DCLK1: variants seen among roughly 807,000 people sequenced by gnomAD.
DCLK1 encodes the protein doublecortin like kinase 1, also known as serine/threonine-protein kinase DCLK1.
Under a neutral mutation model 86.2 loss-of-function variants are expected in DCLK1, and 16 were observed. That is an observed-to-expected ratio of 0.19 (90% CI 0.13 to 0.28). The LOEUF is 0.28. DCLK1 is among the 10% of genes least tolerant of loss of function. The probability of loss-of-function intolerance (pLI) is 1.00; values close to 1 mark genes in which losing one functional copy is unlikely to be tolerated. For synonymous variants in DCLK1, 369 were observed against 370.5 expected (o/e 1.00, Z 0.05); for missense variants, 590 against 940.2 (o/e 0.63, Z 4.87).
intron 6 of DCLK1, 49 bp downstream of exon 6, chr13:35,854,450 C>A: frequency 2.0e-6 from 3 of 1,468,464 alleles, no homozygotes; most frequent in Non-Finnish European, 2.8e-6. Context: ...TACCTGTCTG[C>A]ACCAAGGCTG....
intron 4 of DCLK1, among the ~76,000 whole-genome samples, chr13:35,918,509 C>G (rs1046250632): frequency 6.6e-6 from 1 of 152,188 alleles, no homozygotes; most frequent in African/African-American, 2.4e-5. Flanking sequence ...GGACTGGACT[C>G]TCTCACCACA....
At chr13:35,956,164 A>G (rs1241714026) in intron 3 of DCLK1, among the ~76,000 whole-genome samples, 2 of 152,172 alleles carry the variant, frequency 1.3e-5, no homozygotes, top group Admixed American at 6.5e-5. Flanking sequence ...TTCTCTGGAG[A>G]GGATACAAAT....
At chr13:36,080,232 G>A (rs1352807172) in intron 3 of DCLK1, among the ~76,000 whole-genome samples, 3 of 152,130 alleles carry the variant, frequency 2.0e-5, no homozygotes, top group East Asian at 1.9e-4. Flanking sequence ...TAGCTTGTGC[G>A]GATAACCAGT....
chr13:36,078,384 T>C (rs1256106875), intron 3 of DCLK1, among the ~76,000 whole-genome samples: 3 of 152,204 alleles, frequency 2.0e-5, no homozygotes. Flanking sequence ...TGGCTCTAGA[T>C]AATGCTCATG....
At chr13:35,947,223 T>C (rs1877433650) in intron 4 of DCLK1, 135 bp downstream of exon 4, 1 of 545,340 alleles carries the variant, frequency 1.8e-6, no homozygotes, top group Non-Finnish European at 3.2e-6. Context: ...AAATCCAAGA[T>C]ATGGAAAAGA....
chr13:36,056,632 AAAAAG>A (rs1418448250), intron 3 of DCLK1, among the ~76,000 whole-genome samples: 62 of 146,158 alleles, frequency 4.2e-4, no homozygotes, highest in South Asian at 6.6e-4. Context: ...AAAAAAAAAA[AAAAAG>A]AAAGAAATTC....
At chr13:35,912,477 G>A (rs1334151624) in intron 4 of DCLK1, among the ~76,000 whole-genome samples, 2 of 152,104 alleles carry the variant, frequency 1.3e-5, no homozygotes, top group Non-Finnish European at 2.9e-5. Context: ...AGCTTGACTG[G>A]AGAAAGATGA....
In DCLK1 at chr13:35,774,565, C is replaced by G. The variant is rs1191017267; in HGVS notation, c.2193G>C (p.Glu731Asp). Residue 731 changes from glutamate to aspartate, a missense_variant, in exon 17 of 17, where the codon GAG becomes GAC. Glu to Asp is a conservative substitution (Grantham distance 45). Transcript: ENST00000360631. ...ESEDYSPSSSETVRSPNSPF is the reference protein window; with the variant it reads ...ESEDYSPSSSDTVRSPNSPF ...AGGGCGAGTTAGGGGAGCGAACAGT[C>G]TCGGAGGAGCTTGGGGAGTAGTCTT... The G allele has an allele frequency of 1.3e-6, 2 of 1,560,118 alleles. No homozygotes were observed. Among genetic ancestry groups the G allele is most frequent in the South Asian group, 2.4e-5 (2 of 84,920 alleles).
chr13:35,831,235 C>G (rs57865269), intron 8 of DCLK1, among the ~76,000 whole-genome samples: 1 of 152,130 alleles, frequency 6.6e-6, no homozygotes, highest in Non-Finnish European at 1.5e-5. Context: ...AATGTTGCAT[C>G]TTTTCTTTTT....
chr13:36,085,165 G>A (rs1884548427), intron 3 of DCLK1, among the ~76,000 whole-genome samples: 1 of 152,082 alleles, frequency 6.6e-6, no homozygotes, highest in Non-Finnish European at 1.5e-5. Flanking sequence ...TCTCCCCAGA[G>A]AAGTTTGAAA....
chr13:35,926,480 A>G (rs937252015), intron 4 of DCLK1, among the ~76,000 whole-genome samples: 3 of 152,180 alleles, frequency 2.0e-5, no homozygotes, highest in African/African-American at 7.2e-5. Context: ...CCATTTTCCA[A>G]TCTGAGTTTG....
At chr13:35,852,581 A>G (rs1870735881) in intron 6 of DCLK1, among the ~76,000 whole-genome samples, 1 of 152,218 alleles carries the variant, frequency 6.6e-6, no homozygotes, top group African/African-American at 2.4e-5. Flanking sequence ...AAAATGAAGA[A>G]TCTATAAGAA....
chr13:36,083,974 G>C (rs556147076), intron 3 of DCLK1, among the ~76,000 whole-genome samples: 2 of 152,236 alleles, frequency 1.3e-5, no homozygotes, highest in African/African-American at 4.8e-5. Flanking sequence ...GAATGTGCTA[G>C]AAAAATAATA....
chr13:35,887,593 C>G (rs746685547), intron 4 of DCLK1, among the ~76,000 whole-genome samples: 30 of 152,228 alleles, frequency 2.0e-4, no homozygotes, highest in Admixed American at 4.6e-4. Flanking sequence ...TTGGGAAATT[C>G]TATGGCCATT....
Position 36,100,203 on chromosome 13 carries a change from A to C in DCLK1, c.723+11666T>G, listed in dbSNP as rs1352961045. On this transcript the variant is annotated intron_variant, in intron 3 of 16. Coordinates refer to ENST00000360631, the MANE Select transcript of DCLK1 (RefSeq NM_001330071.2). ...ACAAAAAAAAAAAAAAAAAAAAAAA[A>C]AAAAAAAAAACCACACACACACAAA... Among the ~76,000 whole-genome samples, 101 of 129,554 alleles carry C rather than the reference A, an allele frequency of 7.8e-4. 5 individuals are homozygous for C. Among genetic ancestry groups the C allele is most frequent in the East Asian group, 4.4e-3 (18 of 4,056 alleles). 85.0% of individuals were successfully genotyped at this position (129,554 alleles called of 152,430 possible). A position where few individuals can be genotyped will look rare whatever the true frequency, so the allele number is the denominator to read the frequency against.
chr13:36,035,371 A>G (rs1882448535), intron 3 of DCLK1, among the ~76,000 whole-genome samples: 1 of 152,166 alleles, frequency 6.6e-6, no homozygotes, highest in African/African-American at 2.4e-5. Flanking sequence ...CTTACTACCC[A>G]CACTGAAACC....
chr13:36,061,502 C>T (rs1883547039), intron 3 of DCLK1, among the ~76,000 whole-genome samples: 1 of 152,162 alleles, frequency 6.6e-6, no homozygotes, highest in Non-Finnish European at 1.5e-5. Context: ...TAAAAAGCCT[C>T]AATTCTCCAC....
intron 3 of DCLK1, among the ~76,000 whole-genome samples, chr13:36,013,406 G>A (rs1357556855): frequency 6.6e-6 from 1 of 151,898 alleles, no homozygotes; most frequent in African/African-American, 2.4e-5. Flanking sequence ...ATGGGTTTTC[G>A]GTGTGGATGT....
At chr13:36,008,351 C>A (rs1322346572) in intron 3 of DCLK1, among the ~76,000 whole-genome samples, 4 of 95,402 alleles carry the variant, frequency 4.2e-5, no homozygotes, top group Non-Finnish European at 6.1e-5. Flanking sequence ...TTAGGTATAT[C>A]TCCCAATGCT....
Sources: allele counts gnomAD v4.1 joint callset (sites outside exome capture counted in the v4.1 genomes callset), GRCh38; gene constraint gnomAD v4.1.1; transcripts MANE v1.5; gene names NCBI Gene and HGNC (gene_info 2026-07-23, HGNC 2026-07-21).